TTBK2: variants seen among roughly 807,000 people sequenced by gnomAD.
The protein encoded by TTBK2 is tau-tubulin kinase 2.
Under a neutral mutation model 110.8 loss-of-function variants are expected in TTBK2, and 28 were observed. The observed-to-expected ratio is 0.25, with a 90% CI of 0.19 to 0.35. The LOEUF (loss-of-function observed/expected upper bound fraction) is 0.35, where lower values mean the gene tolerates loss of function less well. TTBK2 is among the 10% of genes least tolerant of loss of function. TTBK2 has a pLI of 1.00. For synonymous variants in TTBK2, 532 were observed against 527.3 expected (o/e 1.01, Z -0.12); for missense variants, 1,369 against 1,500.3 (o/e 0.91, Z 1.45).
intron 10 of TTBK2, among the ~76,000 whole-genome samples, chr15:42,784,518 TCTGC>T (rs1375285492): frequency 6.6e-6 from 1 of 152,236 alleles, no homozygotes; most frequent in East Asian, 1.9e-4. Flanking sequence ...CCTCAGGTGA[TCTGC>T]CTGCCTTGGC....
chr15:42,909,832 A>G (rs150047446), intron 1 of TTBK2, among the ~76,000 whole-genome samples: 2 of 152,346 alleles, frequency 1.3e-5, no homozygotes, highest in East Asian at 3.9e-4. Context: ...AAATATTATT[A>G]TCACAAATAT....
chr15:42,836,906 A>G (rs1380116499), intron 4 of TTBK2, among the ~76,000 whole-genome samples: 1 of 152,190 alleles, frequency 6.6e-6, no homozygotes, highest in Non-Finnish European at 1.5e-5. Context: ...CAGCTTCTCC[A>G]TGTACAAAAG....
intron 5 of TTBK2, among the ~76,000 whole-genome samples, chr15:42,828,534 T>C (rs1048122606): frequency 6.7e-6 from 1 of 149,660 alleles, no homozygotes; most frequent in African/African-American, 2.5e-5. Flanking sequence ...ACCAACATGG[T>C]GAAACCCCGT....
At chr15:42,863,670 T>A (rs1894248419) in intron 3 of TTBK2, among the ~76,000 whole-genome samples, 1 of 152,084 alleles carries the variant, frequency 6.6e-6, no homozygotes, top group Non-Finnish European at 1.5e-5. Context: ...ATTACCCAAC[T>A]TAAAACTATA....
intron 4 of TTBK2, among the ~76,000 whole-genome samples, chr15:42,833,104 T>C (rs72713788): frequency 1.1e-4 from 16 of 151,884 alleles, no homozygotes; most frequent in Non-Finnish European, 1.8e-4. Flanking sequence ...GGTACTGAGC[T>C]TAATACCTGG....
chr15:42,773,447 G>C (rs1595895382), intron 13 of TTBK2, among the ~76,000 whole-genome samples: 1 of 7,036 alleles, frequency 1.4e-4, no homozygotes, highest in Non-Finnish European at 3.7e-4. Context: ...AGTAAAGAAA[G>C]AAAGAAAGAA....
Position 42,872,662 on chromosome 15 carries a change from G to A in TTBK2, c.166C>T (p.Gln56Ter). 1 of 1,614,098 alleles carries A rather than the reference G, an allele frequency of 6.2e-7. No homozygotes were observed. Among genetic ancestry groups the A allele is most frequent in the Non-Finnish European group, 8.5e-7 (1 of 1,180,016 alleles). ...TCCATTTTCAGAACTTGTTTTGGTT[G>A]TTGAGCTGATTCCACCTTCAGTGCA... is the stretch of plus-strand genomic sequence containing the variant. ...NVALKVESAQ[Q>*]PKQVLKMEVA... Residue 56 changes from glutamine (Q) to a stop codon, truncating the protein, a stop_gained, in exon 3 of 15, where the codon CAA (glutamine) becomes TAA (stop). Transcript: ENST00000267890. LOFTEE classifies it high-confidence loss of function.
At chr15:42,836,780 A>C (rs1893001417) in intron 4 of TTBK2, among the ~76,000 whole-genome samples, 1 of 152,214 alleles carries the variant, frequency 6.6e-6, no homozygotes, top group Non-Finnish European at 1.5e-5. Flanking sequence ...TAGTAACCTG[A>C]GACAAAACAG....
chr15:42,769,502 G>A (rs1392920656), intron 13 of TTBK2, among the ~76,000 whole-genome samples: 12 of 152,086 alleles, frequency 7.9e-5, no homozygotes, highest in Non-Finnish European at 1.0e-4. Flanking sequence ...ACAGACACAC[G>A]AAAAAATGCT....
chr15:42,838,131 C>A (rs1595968931), intron 4 of TTBK2, among the ~76,000 whole-genome samples: 1 of 152,164 alleles, frequency 6.6e-6, no homozygotes, highest in East Asian at 1.9e-4. Context: ...TCGCTTGAAC[C>A]CGGGAGGCGG....
chr15:42,879,246 T>A (rs1166214140), intron 1 of TTBK2, among the ~76,000 whole-genome samples: 1 of 151,952 alleles, frequency 6.6e-6, no homozygotes, highest in Non-Finnish European at 1.5e-5. Context: ...AAATATGGCC[T>A]AAAGGAGATG....
At chr15:42,776,163 G>T (rs142855314) in intron 12 of TTBK2, among the ~76,000 whole-genome samples, 3 of 152,318 alleles carry the variant, frequency 2.0e-5, no homozygotes, top group Admixed American at 6.5e-5. Flanking sequence ...GTTTAAAATG[G>T]ACGCCAGATT....
At chr15:42,813,481 C>A (rs1413971193) in intron 7 of TTBK2, among the ~76,000 whole-genome samples, 1 of 151,856 alleles carries the variant, frequency 6.6e-6, no homozygotes, top group African/African-American at 2.4e-5. Flanking sequence ...GAGACCATAC[C>A]AGTATACTCC....
At chr15:42,884,656 G>A (rs1352396404) in intron 1 of TTBK2, among the ~76,000 whole-genome samples, 1 of 152,164 alleles carries the variant, frequency 6.6e-6, no homozygotes, top group Non-Finnish European at 1.5e-5. Flanking sequence ...GGAGAGAGAT[G>A]CTGAAGGTTG....
At position 42,744,662 on chromosome 15, in the gene TTBK2, G is replaced by A. The variant is rs2061770054; in HGVS notation, c.*1133C>T. 6.6e-6 allele frequency: 1 copy of A among 152,076 alleles called. No homozygotes were observed. Among genetic ancestry groups the A allele is most frequent in the Non-Finnish European group, 1.5e-5 (1 of 68,004 alleles). The allele number at this position is 152,076 out of a possible 1,614,324, so 9.4% of individuals were successfully genotyped here. On this transcript the variant is annotated 3_prime_UTR_variant, in exon 15 of 15. Transcript: ENST00000267890. The stretch of plus-strand genomic sequence containing the variant: ...TTGAACTAAAACACAGGAGAAGCAG[G>A]TAATAAAACATTAAAAAAGAAATAT...
chr15:42,760,665 G>A (rs914458818), intron 13 of TTBK2, among the ~76,000 whole-genome samples: 2 of 152,114 alleles, frequency 1.3e-5, no homozygotes, highest in African/African-American at 4.8e-5. Flanking sequence ...AAATACTAAT[G>A]AAAGAAACTG....
At chr15:42,840,551 T>A in intron 3 of TTBK2, 118 bp from the exon 4 acceptor site, 1 of 943,520 alleles carries the variant, frequency 1.1e-6, no homozygotes, top group Non-Finnish European at 1.7e-6. Flanking sequence ...TTGAGAACCT[T>A]AAGGATAGAA....
At chr15:42,915,820 GC>G (rs2031051216) in intron 1 of TTBK2, among the ~76,000 whole-genome samples, 1 of 152,074 alleles carries the variant, frequency 6.6e-6, no homozygotes, top group Admixed American at 6.6e-5. Context: ...GGTGGCACAT[GC>G]CCGTAGTCCC....
At chr15:42,856,815 A>G (rs1388814006) in intron 3 of TTBK2, among the ~76,000 whole-genome samples, 1 of 152,210 alleles carries the variant, frequency 6.6e-6, no homozygotes, top group East Asian at 1.9e-4. Flanking sequence ...TGATCCCAAC[A>G]CTTTGGGAGA....
Sources: allele counts gnomAD v4.1 joint callset (sites outside exome capture counted in the v4.1 genomes callset), GRCh38; gene constraint gnomAD v4.1.1; transcripts MANE v1.5; gene names NCBI Gene and HGNC (gene_info 2026-07-23, HGNC 2026-07-21).